The following HTR2C variants were observed in gnomAD, a reference collection of about 807,000 sequenced individuals.
HTR2C encodes the protein 5-hydroxytryptamine receptor 2C.
A neutral mutation model predicts 21.0 loss-of-function variants in HTR2C; 5 were observed. The observed-to-expected ratio is 0.24, with a 90% CI of 0.12 to 0.50. HTR2C has a LOEUF of 0.50. Ranked by LOEUF, HTR2C falls within the 20% of genes least tolerant of loss-of-function variation. The pLI, the probability that HTR2C is intolerant of heterozygous loss-of-function variation, is 0.98. For synonymous variants in HTR2C, 150 were observed against 145.3 expected (o/e 1.03, Z -0.23); for missense variants, 271 against 371.2 (o/e 0.73, Z 2.22).
At chrX:114,732,304 T>G (rs1256170028) in intron 4 of HTR2C, among the ~76,000 whole-genome samples, 2 of 112,012 alleles carry the variant, frequency 1.8e-5, no homozygotes, top group Admixed American at 1.9e-4. Context: ...TAGCTAATAT[T>G]TATGATGAAC....
rs782548163 is a variant in HTR2C at position 114,635,762 on chromosome X, AGCC to A, written c.-80+21882_-80+21884del. Among the ~76,000 whole-genome samples the A allele has an allele frequency of 6.3e-4, 71 of 111,869 alleles. 2 individuals are homozygous for A. In the South Asian group the frequency reaches 0.025, roughly 40 times the overall value. ...CCAATACCTCCAATGATATTGTTGT[AGCC>A]AGTTTAGAATCACGTGCTTCTATGT... is the stretch of plus-strand genomic sequence containing the variant. On this transcript the variant is annotated intron_variant, in intron 2 of 5. Coordinates refer to ENST00000276198, the MANE Select transcript of HTR2C (RefSeq NM_000868.4).
chrX:114,690,977 A>G (rs184666098), intron 2 of HTR2C, among the ~76,000 whole-genome samples: 4 of 111,061 alleles, frequency 3.6e-5, no homozygotes, highest in Non-Finnish European at 7.6e-5. Context: ...TTACTTTAGC[A>G]TCACAATCAT....
intron 2 of HTR2C, among the ~76,000 whole-genome samples, chrX:114,670,351 C>T (rs782150601): frequency 1.6e-4 from 16 of 100,931 alleles, no homozygotes; most frequent in African/African-American, 5.6e-4. Flanking sequence ...ACCTAGATCG[C>T]GCCACTGTAC....
At chrX:114,814,000 G>A (rs1381980146) in intron 4 of HTR2C, among the ~76,000 whole-genome samples, 2 of 111,168 alleles carry the variant, frequency 1.8e-5, no homozygotes, top group Non-Finnish European at 3.8e-5. Context: ...AATTAACTCT[G>A]TGTGTGGAGG....
chrX:114,729,853 TC>T (rs1293480032), intron 3 of HTR2C, among the ~76,000 whole-genome samples: 1 of 111,476 alleles, frequency 9.0e-6, no homozygotes, highest in Admixed American at 9.6e-5. Flanking sequence ...GTGTTCCATC[TC>T]CCTAATTTCA....
At chrX:114,880,699 T>TA (rs1556479683) in intron 5 of HTR2C, among the ~76,000 whole-genome samples, 5 of 111,558 alleles carry the variant, frequency 4.5e-5, no homozygotes, top group Non-Finnish European at 7.6e-5. Context: ...TCTTACGTGA[T>TA]TGGCATATTC....
rs372290656 is a variant in HTR2C, at chrX:114,617,779, T to C, written c.-80+3898T>C. 5.4e-5 allele frequency among the ~76,000 whole-genome samples: 6 copies of C among 112,091 alleles called. No homozygotes were observed. In the East Asian group the frequency reaches 1.4e-3, roughly 26 times the overall value. On this transcript the variant is annotated intron_variant, in intron 2 of 5. Coordinates refer to ENST00000276198, the MANE Select transcript of HTR2C (RefSeq NM_000868.4). Reference sequence around the variant, plus strand: ...GGAGCAGAGAATTGAGTGTGTTAAGTAACAATAATTTGTTCTATATATAGC... The same window carrying C: ...GGAGCAGAGAATTGAGTGTGTTAAGCAACAATAATTTGTTCTATATATAGC...
chrX:114,906,903 A>G lies in HTR2C; in HGVS notation c.865A>G (p.Arg289Gly). The change falls in exon 6 of 6, where the codon AGA (arginine) becomes GGA (glycine). Residue 289 changes from arginine (R) to glycine (G), a missense_variant. Physicochemically the swap from Arg to Gly is moderately radical, Grantham distance 125. This residue lies in a region of HTR2C where 192 missense variants were observed against 247.2 expected (regional missense o/e 0.78). Coordinates refer to ENST00000276198, the MANE Select transcript of HTR2C (RefSeq NM_000868.4). ...NPNQDQNARR[R>G]KKKERRPRGT... is the part of the protein sequence containing the mutation. ...TAACCAAGACCAGAACGCACGCCGA[A>G]GAAAGAAGAAGGAGAGACGTCCTAG... 6.6e-6 allele frequency: 8 copies of G among 1,211,242 alleles called. No homozygotes were observed. The highest frequency in any genetic ancestry group is 7.8e-6 in the Non-Finnish European group (7 of 895,467).
intron 4 of HTR2C, among the ~76,000 whole-genome samples, chrX:114,732,643 G>A (rs1163695244): frequency 9.0e-6 from 1 of 111,191 alleles, no homozygotes; most frequent in East Asian, 2.8e-4. Context: ...ATTCTTCATC[G>A]AGTTTCAATG....
intron 5 of HTR2C, among the ~76,000 whole-genome samples, chrX:114,862,109 T>C (rs1406631026): frequency 9.0e-6 from 1 of 111,410 alleles, no homozygotes; most frequent in Non-Finnish European, 1.9e-5. Context: ...AGATTTACAG[T>C]GTCTAGTGTT....
intron 2 of HTR2C, chrX:114,651,430 T>C (rs190247000): frequency 8.1e-6 from 1 of 123,912 alleles, no homozygotes; most frequent in African/African-American, 3.2e-5. Context: ...TAAAATCCTA[T>C]AATCTTTTGG....
intron 2 of HTR2C, among the ~76,000 whole-genome samples, chrX:114,651,845 A>G: frequency 8.9e-6 from 1 of 111,782 alleles, no homozygotes; most frequent in East Asian, 2.8e-4. Flanking sequence ...GAAATTTCAC[A>G]TGAATAGTCA....
intron 4 of HTR2C, among the ~76,000 whole-genome samples, chrX:114,805,835 C>CATATATATACCAT (rs781867615): frequency 4.5e-4 from 14 of 31,211 alleles, no homozygotes; most frequent in African/African-American, 1.7e-3. Flanking sequence ...ATATATATAC[C>CATATATATACCAT]ATATATACCA....
At chrX:114,703,703 C>T (rs1932645436) in intron 2 of HTR2C, among the ~76,000 whole-genome samples, 1 of 110,760 alleles carries the variant, frequency 9.0e-6, no homozygotes, top group Non-Finnish European at 1.9e-5. Context: ...CAAGAAATAA[C>T]TTAAATCAGA....
At chrX:114,715,372 C>A (rs782717531) in intron 2 of HTR2C, 2 of 372,144 alleles carry the variant, frequency 5.4e-6, no homozygotes, top group Admixed American at 5.3e-5. Flanking sequence ...CCAGAAGAGC[C>A]TGTTATAAAG....
At chrX:114,812,622 G>A (rs2070543935) in intron 4 of HTR2C, among the ~76,000 whole-genome samples, 1 of 109,589 alleles carries the variant, frequency 9.1e-6, no homozygotes, top group Non-Finnish European at 1.9e-5. Context: ...CCAGCTACTT[G>A]TGATGCTGAG....
chrX:114,864,134 G>T (rs782546702), intron 5 of HTR2C, among the ~76,000 whole-genome samples: 1 of 109,341 alleles, frequency 9.1e-6, no homozygotes, highest in Admixed American at 9.8e-5. Flanking sequence ...TACATTCAAG[G>T]TTATTATTGA....
chrX:114,662,519 C>G (rs1931027308), intron 2 of HTR2C, among the ~76,000 whole-genome samples: 1 of 111,530 alleles, frequency 9.0e-6, no homozygotes, highest in African/African-American at 3.3e-5. Flanking sequence ...TATAATCAAG[C>G]CTTAAGATGA....
chrX:114,694,200 C>T (rs1556415482), intron 2 of HTR2C, among the ~76,000 whole-genome samples: 1 of 110,532 alleles, frequency 9.0e-6, no homozygotes, highest in Non-Finnish European at 1.9e-5. Context: ...TGTTTATTTT[C>T]CTTCACTCTT....
Sources: gnomAD v4.1 joint callset for allele counts (sites outside exome capture counted in the v4.1 genomes callset) on GRCh38, gnomAD v4.1.1 for gene constraint, gnomAD v4.1.1 regional missense constraint, MANE v1.5 for transcripts, NCBI Gene and HGNC (gene_info 2026-07-23, HGNC 2026-07-21) for gene names.